TMEM150C: variants seen among roughly 807,000 people sequenced by gnomAD.
TMEM150C encodes tentonin 3.
TMEM150C carries 10 observed loss-of-function variants against 29.9 expected under a neutral mutation model. The ratio of observed to expected loss-of-function variants is 0.33; its 90% CI spans 0.21 to 0.57. The LOEUF (loss-of-function observed/expected upper bound fraction) is 0.57, where lower values mean the gene tolerates loss of function less well. Ranked by LOEUF, TMEM150C falls within the 20% of genes least tolerant of loss-of-function variation. The probability of loss-of-function intolerance (pLI) is 0.88; values close to 1 mark genes in which losing one functional copy is unlikely to be tolerated. For synonymous variants in TMEM150C, 101 were observed against 112.5 expected, an observed-to-expected ratio of 0.90 and a Z score of 0.64; for missense variants, 251 against 303.6, an observed-to-expected ratio of 0.83 and a Z score of 1.29.
chr4:82,503,568 A>T (rs1723802280), intron 2 of TMEM150C, among the ~76,000 whole-genome samples: 1 of 152,184 alleles, frequency 6.6e-6, no homozygotes, highest in Non-Finnish European at 1.5e-5. Context: ...TAAACATATC[A>T]GGCCGGGCGC....
At chr4:82,548,736 G>A (rs949245072) in intron 1 of TMEM150C, among the ~76,000 whole-genome samples, 1 of 152,228 alleles carries the variant, frequency 6.6e-6, no homozygotes, top group African/African-American at 2.4e-5. Context: ...CCCAGCACTG[G>A]GGCAGGTGGT....
intron 1 of TMEM150C, among the ~76,000 whole-genome samples, chr4:82,515,839 A>G (rs1724280036): frequency 6.6e-6 from 1 of 152,068 alleles, no homozygotes; most frequent in Admixed American, 6.6e-5. Flanking sequence ...AAAAAACCAA[A>G]TCTGTACGGC....
rs1725272095 is a variant in TMEM150C, at chr4:82,543,881, G to C, written c.-11+18025C>G. Among the ~76,000 whole-genome samples the C allele has an allele frequency of 3.3e-5, 5 of 152,274 alleles. No homozygotes were observed. The South Asian group carries it at 1.0e-3, about 32-fold the overall frequency. On this transcript the variant is annotated intron_variant, in intron 1 of 7. Coordinates refer to ENST00000449862, the MANE Select transcript of TMEM150C (RefSeq NM_001080506.3). ...GTTCATTTCCACAGTAATTAAAACTGTCTTTCATTTTTCCTTCTGTCCCTT... is the reference window on the plus strand; with the variant it reads ...GTTCATTTCCACAGTAATTAAAACTCTCTTTCATTTTTCCTTCTGTCCCTT...
At chr4:82,504,793 G>A in intron 1 of TMEM150C, 126 bp from the exon 2 acceptor site, 1 of 615,780 alleles carries the variant, frequency 1.6e-6, no homozygotes, top group African/African-American at 1.9e-5. Context: ...CACTTTGGGA[G>A]GCCGAGGTGG....
At chr4:82,544,875 A>C (rs1156469832) in intron 1 of TMEM150C, among the ~76,000 whole-genome samples, 1 of 152,190 alleles carries the variant, frequency 6.6e-6, no homozygotes, top group Non-Finnish European at 1.5e-5. Context: ...AAATTTAAGC[A>C]GTAATTTAAA....
chr4:82,560,082 C>A (rs780748859), intron 1 of TMEM150C, among the ~76,000 whole-genome samples: 1 of 151,446 alleles, frequency 6.6e-6, no homozygotes, highest in African/African-American at 2.4e-5. Flanking sequence ...GGTAGTTCTA[C>A]AACAAAGGCT....
intron 1 of TMEM150C, among the ~76,000 whole-genome samples, chr4:82,542,186 C>G (rs1725222112): frequency 6.6e-6 from 1 of 151,978 alleles, no homozygotes; most frequent in African/African-American, 2.4e-5. Context: ...TAGGAGGAAG[C>G]CAGTCAATAT....
intron 1 of TMEM150C, among the ~76,000 whole-genome samples, chr4:82,514,907 AT>A (rs1369210643): frequency 6.6e-6 from 1 of 152,114 alleles, no homozygotes; most frequent in Non-Finnish European, 1.5e-5. Flanking sequence ...AAAAAAATTC[AT>A]TTTTAAGCCA....
chr4:82,542,765 T>A (rs1054399417), intron 1 of TMEM150C, among the ~76,000 whole-genome samples: 17 of 152,146 alleles, frequency 1.1e-4, no homozygotes, highest in African/African-American at 4.1e-4. Flanking sequence ...TATATTTGCA[T>A]CAAGGTGATT....
intron 1 of TMEM150C, among the ~76,000 whole-genome samples, chr4:82,547,320 G>T (rs1022997686): frequency 6.6e-6 from 1 of 152,076 alleles, no homozygotes; most frequent in East Asian, 1.9e-4. Context: ...TGGGCGCAGT[G>T]GCTCATGCCT....
chr4:82,516,286 G>C (rs190886217), intron 1 of TMEM150C, among the ~76,000 whole-genome samples: 1 of 152,098 alleles, frequency 6.6e-6, no homozygotes. Context: ...CAAGCTGGCA[G>C]CTGCTCAGTG....
intron 7 of TMEM150C, 101 bp downstream of exon 7, chr4:82,489,960 A>C (rs1019715772): frequency 3.3e-6 from 4 of 1,197,652 alleles, no homozygotes; most frequent in Admixed American, 4.9e-5. Flanking sequence ...AGATTCTGAG[A>C]AGATCTGGCA....
At position 82,483,705 on chromosome 4, in the gene TMEM150C, G is replaced by C. The variant is rs1347421822; in HGVS notation, c.*1806C>G. On this transcript the variant is annotated 3_prime_UTR_variant, in exon 8 of 8. Coordinates refer to ENST00000449862, the MANE Select transcript of TMEM150C (RefSeq NM_001080506.3). ...GTATGTGCCAGGCACTGTGTTAAGAGGTGGGGAACAATACAGAGATGAAAA... is the reference window on the plus strand; with the variant it reads ...GTATGTGCCAGGCACTGTGTTAAGACGTGGGGAACAATACAGAGATGAAAA... The C allele has an allele frequency of 6.6e-6, 1 of 152,102 alleles. No individual in the cohort carries two copies. The highest frequency in any genetic ancestry group is 1.5e-5 in the Non-Finnish European group (1 of 68,012). The allele number at this position is 152,102 out of a possible 1,614,324, so 9.4% of individuals were successfully genotyped here.
intron 1 of TMEM150C, among the ~76,000 whole-genome samples, chr4:82,528,601 G>T (rs111840018): frequency 0.025 from 3,631 of 145,964 alleles, 82 homozygotes; most frequent in Non-Finnish European, 0.041. Flanking sequence ...ACTTTTCCTC[G>T]TCCCTTTTTT....
chr4:82,493,489 G>A (rs571605606), intron 6 of TMEM150C, among the ~76,000 whole-genome samples: 1 of 152,264 alleles, frequency 6.6e-6, no homozygotes, highest in African/African-American at 2.4e-5. Flanking sequence ...AAACTAATTT[G>A]TCATTTCTCA....
At chr4:82,488,056 C>T (rs1723218604) in intron 7 of TMEM150C, among the ~76,000 whole-genome samples, 1 of 152,132 alleles carries the variant, frequency 6.6e-6, no homozygotes, top group South Asian at 2.1e-4. Context: ...GTGTATAGTG[C>T]ACCCAATTTG....
At chr4:82,516,627 T>C (rs906837445) in intron 1 of TMEM150C, among the ~76,000 whole-genome samples, 1 of 152,162 alleles carries the variant, frequency 6.6e-6, no homozygotes, top group Admixed American at 6.5e-5. Flanking sequence ...TTATAAATGG[T>C]TGTCTCAGTA....
intron 1 of TMEM150C, among the ~76,000 whole-genome samples, chr4:82,525,555 T>C (rs1724626060): frequency 6.6e-6 from 1 of 152,238 alleles, no homozygotes; most frequent in Non-Finnish European, 1.5e-5. Flanking sequence ...AATTAAAAGA[T>C]AACATTCCAT....
chr4:82,561,943 G>C lies in TMEM150C; in HGVS notation c.-48C>G, dbSNP rs923548218. The C allele has an allele frequency of 2.7e-6, 3 of 1,093,558 alleles. No homozygotes were observed. Among genetic ancestry groups the C allele is most frequent in the African/African-American group, 3.5e-5 (2 of 57,658 alleles). 67.7% of individuals were successfully genotyped at this position (1,093,558 alleles called of 1,614,324 possible). A position where few individuals can be genotyped will look rare whatever the true frequency, so the allele number is the denominator to read the frequency against. On this transcript the variant is annotated 5_prime_UTR_variant, in exon 1 of 8. Transcript: ENST00000449862. ...GGCGGGGCCGCTGTCGCCTCGAGGGGCTGTGACCTGCTGCGGTGGCGGCGG... is the reference window on the plus strand; with the variant it reads ...GGCGGGGCCGCTGTCGCCTCGAGGGCCTGTGACCTGCTGCGGTGGCGGCGG...
Sources: gnomAD v4.1 joint callset for allele counts (sites outside exome capture counted in the v4.1 genomes callset) on GRCh38, gnomAD v4.1.1 for gene constraint, MANE v1.5 for transcripts, NCBI Gene and HGNC (gene_info 2026-07-23, HGNC 2026-07-21) for gene names.